Variants in LRP2 observed in about 807,000 individuals in gnomAD.
LRP2 encodes LDL receptor related protein 2.
A neutral mutation model predicts 531.0 loss-of-function variants in LRP2; 172 were observed. The ratio of observed to expected loss-of-function variants is 0.32; its 90% CI spans 0.29 to 0.37. The LOEUF (loss-of-function observed/expected upper bound fraction) is 0.37, where lower values mean the gene tolerates loss of function less well. Among genes scored for constraint, LRP2 ranks in the 10% least tolerant of loss-of-function variants. The pLI, the probability that LRP2 is intolerant of heterozygous loss-of-function variation, is 1.00. For synonymous variants in LRP2, 1,992 were observed against 2,027.6 expected, an observed-to-expected ratio of 0.98 and a Z score of 0.47; for missense variants, 5,167 against 5,868.3, an observed-to-expected ratio of 0.88 and a Z score of 3.90.
intron 15 of LRP2, 59 bp downstream of exon 15, chr2:169,272,868 G>A: frequency 6.2e-7 from 1 of 1,608,332 alleles, no homozygotes; most frequent in Non-Finnish European, 8.5e-7. Flanking sequence ...TCTAGTTAGA[G>A]GTTTGGACAC....
chr2:169,231,782 G>C lies in LRP2; in HGVS notation c.5159C>G (p.Pro1720Arg). ...AGGACAAACACAGGAGTAAAAATGA[G>C]GCCCCTGTGAGGAAAGCAGGCAGAG... is the stretch of plus-strand genomic sequence containing the variant. Reference protein sequence around the residue: ...SHLCLLSSQGPHFYSCVCPSG... With the variant: ...SHLCLLSSQGRHFYSCVCPSG... The change falls in exon 31 of 79, where the codon CCT (proline) becomes CGT (arginine). Residue 1720 changes from proline (P) to arginine (R), a missense_variant. Physicochemically the swap from Pro to Arg is moderately radical, Grantham distance 103. Around this residue, in one of 6 missense-constraint regions of LRP2, gnomAD observed 2,811 missense variants for 3,058.0 expected, o/e 0.92. Coordinates refer to ENST00000649046, the MANE Select transcript of LRP2 (RefSeq NM_004525.3). The C allele has an allele frequency of 6.2e-7, 1 of 1,614,090 alleles. No homozygotes were observed. Among genetic ancestry groups the C allele is most frequent in the Non-Finnish European group, 8.5e-7 (1 of 1,179,978 alleles).
rs1470966375 is a variant in LRP2 at position 169,252,044 on chromosome 2, C to T, written c.2770+4062G>A. Among the ~76,000 whole-genome samples, 13 of 5,912 alleles carry T rather than the reference C, an allele frequency of 2.2e-3. 1 individual carries two copies. The highest frequency in any genetic ancestry group is 2.3e-3 in the Admixed American group (1 of 444). 3.9% of individuals were successfully genotyped at this position (5,912 alleles called of 152,430 possible). A position where few individuals can be genotyped will look rare whatever the true frequency, so the allele number is the denominator to read the frequency against. ...GTCCAGGACCAGATGGATTCACAGC[C>T]GAATTCTACCAGAGGTACATGGAGG... On this transcript the variant is annotated intron_variant, in intron 19 of 78. Coordinates refer to ENST00000649046, the MANE Select transcript of LRP2 (RefSeq NM_004525.3).
chr2:169,241,917 G>A (rs144055352), intron 24 of LRP2, among the ~76,000 whole-genome samples: 382 of 152,248 alleles, frequency 2.5e-3, no homozygotes, highest in Middle Eastern at 0.014. Context: ...GGAGAGATAC[G>A]TAAGAACTGC....
Position 169,231,635 on chromosome 2 carries a change from T to C in LRP2, c.5227+79A>G, listed in dbSNP as rs201742677. 4.7e-4 allele frequency: 734 copies of C among 1,572,010 alleles called. 1 individual carries two copies. Among genetic ancestry groups the C allele is most frequent in the Admixed American group, 7.7e-4 (46 of 59,882 alleles). ...GGACACAGCACATGTTCAGTCGCAA[T>C]TGGTTTTAGAGTTTCCACTGCTTGG... On this transcript the variant is annotated intron_variant, in intron 31 of 78. Transcript: ENST00000649046.
chr2:169,225,343 A>G lies in LRP2; in HGVS notation c.5505T>C (p.Leu1835=). 1 of 1,613,966 alleles carries G rather than the reference A, an allele frequency of 6.2e-7. No homozygotes were observed. Among genetic ancestry groups the G allele is most frequent in the Non-Finnish European group, 8.5e-7 (1 of 1,179,908 alleles). ...ACTGAGTTCTAGGATTGGTAGAATA[A>G]AGGTTTCTTGAAATCCAATCTAAGG... ...NLALDWISRN[L]YSTNPRTQSI... is the part of the protein sequence containing the mutation. Residue 1835 remains leucine (L), a synonymous_variant, in exon 33 of 79, where the codon CTT becomes CTC. Coordinates refer to ENST00000649046, the MANE Select transcript of LRP2 (RefSeq NM_004525.3).
chr2:169,272,842 C>A, intron 15 of LRP2, 85 bp downstream of exon 15: 1 of 1,568,564 alleles, frequency 6.4e-7, no homozygotes, highest in South Asian at 1.1e-5. Flanking sequence ...TGGTCCAGTT[C>A]AAGAGTAGCA....
chr2:169,193,849 A>C lies in LRP2; in HGVS notation c.8742T>G (p.Asp2914Glu), dbSNP rs754129832. 1.1e-5 allele frequency: 17 copies of C among 1,614,046 alleles called. No homozygotes were observed. Among genetic ancestry groups the C allele is most frequent in the Non-Finnish European group, 1.4e-5 (16 of 1,180,018 alleles). ...ATTCGCTTGGGATGCACCTCCCACCATCACACTTGAACTCATCAGCTAGGC... is the reference window on the plus strand; with the variant it reads ...ATTCGCTTGGGATGCACCTCCCACCCTCACACTTGAACTCATCAGCTAGGC... ...RTCLADEFKCDGGRCIPSEWI... is the reference protein window; with the variant it reads ...RTCLADEFKCEGGRCIPSEWI... Residue 2914 changes from aspartate to glutamate, a missense_variant, in exon 47 of 79, where the codon GAT becomes GAG. Coordinates refer to ENST00000649046, the MANE Select transcript of LRP2 (RefSeq NM_004525.3).
chr2:169,243,052 G>C lies in LRP2; in HGVS notation c.3571C>G (p.Gln1191Glu). ...VGCVLNCTAS[Q>E]FKCASGDKCI... The stretch of plus-strand genomic sequence containing the variant: ...TTATCCCCACTGGCACACTTGAATT[G>C]AGAAGCAGTACAGTTTAATACTAAG... The change falls in exon 24 of 79, where the codon CAA (glutamine) becomes GAA (glutamate). Residue 1191 changes from glutamine to glutamate, a missense_variant. Around this residue, in one of 6 missense-constraint regions of LRP2, gnomAD observed 2,811 missense variants for 3,058.0 expected, o/e 0.92. Transcript: ENST00000649046. The C allele has an allele frequency of 6.2e-7, 1 of 1,613,488 alleles. No homozygotes were observed. Among genetic ancestry groups the C allele is most frequent in the Non-Finnish European group, 8.5e-7 (1 of 1,179,438 alleles).
intron 3 of LRP2, among the ~76,000 whole-genome samples, chr2:169,308,193 T>A (rs1253511000): frequency 6.6e-6 from 1 of 151,958 alleles, no homozygotes; most frequent in Non-Finnish European, 1.5e-5. Context: ...GCTCTCAATT[T>A]TTACAAAACT....
At position 169,143,433 on chromosome 2, in the gene LRP2, G is replaced by A. The variant is rs140462474; in HGVS notation, c.12989-640C>T. Among the ~76,000 whole-genome samples, 64 of 152,244 alleles carry A rather than the reference G, an allele frequency of 4.2e-4. 2 individuals carry two copies. The East Asian group carries it at 9.5e-3, about 23-fold the overall frequency. ...CGCTTTGGGCGGATCACGAGGTCAG[G>A]AGATCGAGACCATCCTGGCTAACAC... On this transcript the variant is annotated intron_variant, in intron 70 of 78. Coordinates refer to ENST00000649046, the MANE Select transcript of LRP2 (RefSeq NM_004525.3).
At position 169,201,614 on chromosome 2, in the gene LRP2, T is replaced by C. The variant is rs1423841768; in HGVS notation, c.8452+14A>G. On this transcript the variant is annotated intron_variant, in intron 44 of 78. Transcript: ENST00000649046. ...CAGACCCAAAATCACAATAAGCACT[T>C]AAGATAAACTTACGGCAATTTTTCT... 6.2e-7 allele frequency: 1 copy of C among 1,614,148 alleles called. No individual in the cohort carries two copies. The highest frequency in any genetic ancestry group is 8.5e-7 in the Non-Finnish European group (1 of 1,180,028).
In LRP2 at chr2:169,217,368, C is replaced by T. The variant is rs186070510; in HGVS notation, c.5649-938G>A. Among the ~76,000 whole-genome samples, 4 of 152,244 alleles carry T rather than the reference C, an allele frequency of 2.6e-5. No homozygotes were observed. In the East Asian group the frequency reaches 5.8e-4, roughly 22 times the overall value. The stretch of plus-strand genomic sequence containing the variant: ...ACTTCTCCGCCTCTAAGTTCTCAAA[C>T]TCTGAAATGCTCTGCTTCGACCAAA... On this transcript the variant is annotated intron_variant, in intron 34 of 78. Transcript: ENST00000649046.
chr2:169,310,936 G>A (rs145000316), intron 3 of LRP2, among the ~76,000 whole-genome samples: 9,241 of 152,140 alleles, frequency 0.061, 375 homozygotes, highest in Non-Finnish European at 0.088. Context: ...TTGGGAGGGC[G>A]TATGTGTCAA....
At chr2:169,261,399 C>A (rs1021142184) in intron 16 of LRP2, among the ~76,000 whole-genome samples, 5 of 151,724 alleles carry the variant, frequency 3.3e-5, no homozygotes, top group African/African-American at 1.2e-4. Flanking sequence ...AGTCATAGCC[C>A]ACTGCAGCCT....
intron 4 of LRP2, among the ~76,000 whole-genome samples, chr2:169,306,965 A>T (rs1684437421): frequency 6.6e-6 from 1 of 152,214 alleles, no homozygotes; most frequent in African/African-American, 2.4e-5. Flanking sequence ...AACAGTTAAA[A>T]TTTACCAAAC....
chr2:169,307,582 A>G (rs1398680875), intron 3 of LRP2, among the ~76,000 whole-genome samples, 185 bp from the exon 4 acceptor site: 1 of 152,212 alleles, frequency 6.6e-6, no homozygotes, highest in African/African-American at 2.4e-5. Context: ...TGCCCAGAGA[A>G]TAGTGTCCAC....
chr2:169,332,281 T>C (rs1685287844), intron 1 of LRP2, among the ~76,000 whole-genome samples: 1 of 152,216 alleles, frequency 6.6e-6, no homozygotes, highest in African/African-American at 2.4e-5. Flanking sequence ...GACTGAATCT[T>C]ATAAACACCT....
In LRP2 at chr2:169,243,865, G is replaced by A. The variant is rs56377101; in HGVS notation, c.3431-343C>T. 0.11 allele frequency among the ~76,000 whole-genome samples: 16,542 copies of A among 152,124 alleles called. 1,151 individuals are homozygous for A. The highest frequency in any genetic ancestry group is 0.2 in the African/African-American group (8,207 of 41,452). Reference sequence around the variant, plus strand: ...CTCTAGACCAAAGCCAAGCAATGGAGCCCAATCAGGCAACAAAACCAGCAT... The same window carrying A: ...CTCTAGACCAAAGCCAAGCAATGGAACCCAATCAGGCAACAAAACCAGCAT... On this transcript the variant is annotated intron_variant, in intron 22 of 78. Transcript: ENST00000649046.
At chr2:169,228,038 T>C (rs1032118470) in intron 31 of LRP2, among the ~76,000 whole-genome samples, 1 of 152,178 alleles carries the variant, frequency 6.6e-6, no homozygotes, top group Non-Finnish European at 1.5e-5. Flanking sequence ...TCGCTTCTCA[T>C]TGATTGAGAA....
Sources: gnomAD v4.1 joint callset for allele counts (sites outside exome capture counted in the v4.1 genomes callset) on GRCh38, gnomAD v4.1.1 for gene constraint, gnomAD v4.1.1 regional missense constraint, MANE v1.5 for transcripts, NCBI Gene and HGNC (gene_info 2026-07-23, HGNC 2026-07-21) for gene names.